Variants in USO1 observed in about 807,000 individuals in gnomAD.
USO1 encodes USO1 vesicle transport factor, also known as general vesicular transport factor p115.
A neutral mutation model predicts 124.5 loss-of-function variants in USO1; 57 were observed. That is an observed-to-expected ratio of 0.46 (90% CI 0.37 to 0.57). The LOEUF (loss-of-function observed/expected upper bound fraction) is 0.57. USO1 is among the 20% of genes least tolerant of loss of function. The pLI, the probability that USO1 is intolerant of heterozygous loss-of-function variation, is 0.00. For missense variants in USO1, 900 were observed against 1,040.6 expected (o/e 0.86, Z 1.86); for synonymous variants, 369 against 362.8 (o/e 1.02, Z -0.19).
At chr4:75,742,331 G>T (rs1334871392) in intron 1 of USO1, among the ~76,000 whole-genome samples, 1 of 152,172 alleles carries the variant, frequency 6.6e-6, no homozygotes, top group Non-Finnish European at 1.5e-5. Context: ...CTAGGACATC[G>T]GTAGGTGATA....
intron 6 of USO1, 72 bp downstream of exon 6, chr4:75,770,996 A>C: frequency 6.3e-7 from 1 of 1,597,766 alleles, no homozygotes; most frequent in Non-Finnish European, 8.5e-7. Flanking sequence ...AGGGACTGAA[A>C]TGGTGTGTTA....
At chr4:75,746,646 C>G (rs887160517) in intron 1 of USO1, among the ~76,000 whole-genome samples, 4 of 152,136 alleles carry the variant, frequency 2.6e-5, no homozygotes, top group Non-Finnish European at 5.9e-5. Context: ...CTGTAAATAG[C>G]AAACATAATG....
At chr4:75,790,320 C>CT in intron 11 of USO1, 82 bp downstream of exon 11, 1 of 1,466,602 alleles carries the variant, frequency 6.8e-7, no homozygotes, top group Non-Finnish European at 9.1e-7. Context: ...ACATCTTACT[C>CT]TTTTTAAAGA....
At chr4:75,750,432 C>T (rs1487841526) in intron 1 of USO1, among the ~76,000 whole-genome samples, 2 of 3,208 alleles carry the variant, frequency 6.2e-4, no homozygotes, top group South Asian at 0.019. Context: ...AGCAAGACCC[C>T]ATCTAAAAAA....
chr4:75,725,883 G>A (rs1456364545), intron 1 of USO1, among the ~76,000 whole-genome samples: 1 of 152,122 alleles, frequency 6.6e-6, no homozygotes, highest in African/African-American at 2.4e-5. Flanking sequence ...CTTGTGCTAG[G>A]TTCTGTGCTG....
At chr4:75,761,283 A>G (rs1721597722) in intron 4 of USO1, among the ~76,000 whole-genome samples, 1 of 152,210 alleles carries the variant, frequency 6.6e-6, no homozygotes, top group Admixed American at 6.5e-5. Flanking sequence ...GCAGTGGTGC[A>G]TGCCTGTAGT....
intron 9 of USO1, 125 bp downstream of exon 9, chr4:75,782,983 G>C (rs1722263622): frequency 1.5e-6 from 2 of 1,293,456 alleles, no homozygotes; most frequent in Non-Finnish European, 2.0e-6. Context: ...TAAAAAAACT[G>C]TAATATGGAA....
intron 12 of USO1, 93 bp from the exon 13 acceptor site, chr4:75,793,597 A>G: frequency 6.9e-7 from 1 of 1,442,184 alleles, no homozygotes; most frequent in South Asian, 1.4e-5. Flanking sequence ...ATGGTATTTC[A>G]CACTATTTTA....
Position 75,812,318 on chromosome 4 carries a change from C to T in USO1, c.2742C>T (p.Ala914=), listed in dbSNP as rs1723173714. 3.7e-6 allele frequency: 6 copies of T among 1,604,608 alleles called. No homozygotes were observed. Among genetic ancestry groups the T allele is most frequent in the Middle Eastern group, 1.7e-4 (1 of 6,048 alleles). The change falls in exon 23 of 24, where the codon GCC becomes GCT. Residue 914 remains alanine, a synonymous_variant. Coordinates refer to ENST00000514213, the MANE Select transcript of USO1 (RefSeq NM_003715.4). ...KEQDDLLVLL[A]DQDQKILSLK... ...AAGATGATCTCTTGGTGCTCTTGGC[C>T]GATCAAGATCAGAAAATACTGTCAT...
intron 13 of USO1, among the ~76,000 whole-genome samples, chr4:75,794,916 A>G (rs960599638): frequency 2.0e-5 from 3 of 152,220 alleles, no homozygotes; most frequent in East Asian, 1.9e-4. Context: ...TAAAAAAACT[A>G]TCCCAAATTT....
At chr4:75,731,841 T>C (rs536586088) in intron 1 of USO1, among the ~76,000 whole-genome samples, 1 of 152,328 alleles carries the variant, frequency 6.6e-6, no homozygotes, top group Admixed American at 6.5e-5. Flanking sequence ...GTCAGTTAAG[T>C]AGTTACTGAA....
intron 7 of USO1, among the ~76,000 whole-genome samples, chr4:75,773,652 CTT>C (rs1247969231): frequency 2.0e-5 from 3 of 152,080 alleles, no homozygotes; most frequent in Non-Finnish European, 2.9e-5. Flanking sequence ...TTCTTCTTCT[CTT>C]TGTTAGTAGT....
chr4:75,788,522 A>G (rs1287092328), intron 10 of USO1, among the ~76,000 whole-genome samples: 8 of 143,188 alleles, frequency 5.6e-5, no homozygotes, highest in African/African-American at 1.5e-4. Context: ...ATTTTTCTTA[A>G]TTTTCTTTTC....
chr4:75,811,417 C>CA (rs1723145904), intron 22 of USO1, among the ~76,000 whole-genome samples: 1 of 152,094 alleles, frequency 6.6e-6, no homozygotes, highest in Non-Finnish European at 1.5e-5. Context: ...TGGCCCCCCC[C>CA]AAAGTGCTGG....
At chr4:75,750,750 T>G (rs1434359903) in intron 1 of USO1, among the ~76,000 whole-genome samples, 3 of 152,096 alleles carry the variant, frequency 2.0e-5, no homozygotes, top group Admixed American at 2.0e-4. Flanking sequence ...CCCAAAGTGC[T>G]GAGATTACAG....
chr4:75,760,857 G>A (rs1404308664), intron 4 of USO1, among the ~76,000 whole-genome samples: 2 of 152,064 alleles, frequency 1.3e-5, no homozygotes, highest in East Asian at 3.8e-4. Context: ...AAAATTAAAG[G>A]TTTTTCTGGC....
intron 4 of USO1, among the ~76,000 whole-genome samples, chr4:75,762,420 C>G (rs1474258700): frequency 6.6e-6 from 1 of 151,724 alleles, no homozygotes; most frequent in Non-Finnish European, 1.5e-5. Context: ...TCTTGGCCTC[C>G]CAAAGTGTTG....
rs410677 is a variant in USO1, at chr4:75,797,686, G to T, written c.1453-1936G>T. ...AAATGGAGTCTCACTCTGTCACCCA[G>T]ACTGGAGCGCAGTGTTGTGATCTCG... is the stretch of plus-strand genomic sequence containing the variant. On this transcript the variant is annotated intron_variant, in intron 13 of 23. Transcript: ENST00000514213. Among the ~76,000 whole-genome samples, 12 of 151,708 alleles carry T rather than the reference G, an allele frequency of 7.9e-5. No individual in the cohort carries two copies. The East Asian group carries it at 2.3e-3, about 29-fold the overall frequency.
chr4:75,802,184 G>C (rs559005143), intron 17 of USO1, among the ~76,000 whole-genome samples: 3 of 152,292 alleles, frequency 2.0e-5, no homozygotes, highest in Admixed American at 6.5e-5. Context: ...TTCATTCTAA[G>C]CTTTTCAGTT....
Sources: allele counts gnomAD v4.1 joint callset (sites outside exome capture counted in the v4.1 genomes callset), GRCh38; gene constraint gnomAD v4.1.1; transcripts MANE v1.5; gene names NCBI Gene and HGNC (gene_info 2026-07-23, HGNC 2026-07-21).